The following EEFSEC variants were observed in gnomAD, a reference collection of about 807,000 sequenced individuals.
EEFSEC encodes the protein eukaryotic elongation factor, selenocysteine-tRNA specific, also known as selenocysteine-specific elongation factor.
Under a neutral mutation model 42.1 loss-of-function variants are expected in EEFSEC, and 43 were observed. The observed-to-expected ratio is 1.02, with a 90% CI of 0.80 to 1.32. EEFSEC has a LOEUF of 1.32. Ranked by LOEUF, EEFSEC falls within the 40% of genes most tolerant of loss-of-function variation. The pLI, the probability that EEFSEC is intolerant of heterozygous loss-of-function variation, is 0.00. For missense variants in EEFSEC, 745 were observed against 803.6 expected, an observed-to-expected ratio of 0.93 and a Z score of 0.88; for synonymous variants, 354 against 339.1, an observed-to-expected ratio of 1.04 and a Z score of -0.48.
intron 4 of EEFSEC, among the ~76,000 whole-genome samples, chr3:128,290,849 AATTCTCTT>A (rs1185919632): frequency 6.6e-6 from 1 of 152,070 alleles, no homozygotes; most frequent in African/African-American, 2.4e-5. Context: ...AGGTTTAAGC[AATTCTCTT>A]GCCTCAGCCT....
chr3:128,246,458 A>C (rs1265614423), intron 1 of EEFSEC, among the ~76,000 whole-genome samples: 1 of 152,132 alleles, frequency 6.6e-6, no homozygotes, highest in Non-Finnish European at 1.5e-5. Flanking sequence ...GCCTAGTACG[A>C]AACTTTTTTT....
chr3:128,281,918 G>C (rs2066530360), intron 4 of EEFSEC, among the ~76,000 whole-genome samples: 2 of 152,336 alleles, frequency 1.3e-5, no homozygotes, highest in South Asian at 2.1e-4. Flanking sequence ...TGGGATCTGA[G>C]CAGGCAGTTG....
At chr3:128,156,299 G>A (rs890278548) in intron 1 of EEFSEC, among the ~76,000 whole-genome samples, 27 of 152,206 alleles carry the variant, frequency 1.8e-4, no homozygotes, top group African/African-American at 5.8e-4. Flanking sequence ...TGCAAGGAGC[G>A]TGGTGGTTAC....
chr3:128,288,622 C>T (rs1045282893), intron 4 of EEFSEC, among the ~76,000 whole-genome samples: 7 of 152,178 alleles, frequency 4.6e-5, no homozygotes, highest in East Asian at 1.9e-4. Context: ...TCCTAGGATA[C>T]AGCAAGCTGC....
At chr3:128,384,603 G>A (rs2067815812) in intron 6 of EEFSEC, among the ~76,000 whole-genome samples, 1 of 152,226 alleles carries the variant, frequency 6.6e-6, no homozygotes, top group Admixed American at 6.5e-5. Context: ...GCTGGGGATG[G>A]AGTGGAGGGT....
intron 1 of EEFSEC, among the ~76,000 whole-genome samples, chr3:128,220,585 A>G (rs187992417): frequency 1.3e-5 from 2 of 152,244 alleles, no homozygotes; most frequent in African/African-American, 2.4e-5. Context: ...ATTCCTCCAC[A>G]TGCAAGAAGC....
chr3:128,219,314 A>G (rs550813244), intron 1 of EEFSEC, among the ~76,000 whole-genome samples: 1 of 152,316 alleles, frequency 6.6e-6, no homozygotes, highest in African/African-American at 2.4e-5. Context: ...TCAGGGTTAT[A>G]TCACTCCCCC....
intron 1 of EEFSEC, among the ~76,000 whole-genome samples, chr3:128,176,981 GATTATT>G (rs71615969): frequency 2.0e-4 from 29 of 146,592 alleles, no homozygotes; most frequent in Non-Finnish European, 3.1e-4. Context: ...GAACATACTG[GATTATT>G]ATTATTATTA....
At chr3:128,333,908 C>T (rs929357473) in intron 4 of EEFSEC, among the ~76,000 whole-genome samples, 1 of 152,190 alleles carries the variant, frequency 6.6e-6, no homozygotes, top group African/African-American at 2.4e-5. Flanking sequence ...TCGAGCTCAT[C>T]GGGCCTGGGA....
intron 1 of EEFSEC, among the ~76,000 whole-genome samples, chr3:128,179,677 C>T (rs993720584): frequency 5.3e-5 from 8 of 152,156 alleles, no homozygotes; most frequent in Admixed American, 1.3e-4. Context: ...GGCCGGCAGA[C>T]GGGCTTGCGT....
chr3:128,169,238 C>T (rs949215209), intron 1 of EEFSEC, among the ~76,000 whole-genome samples: 1 of 152,150 alleles, frequency 6.6e-6, no homozygotes, highest in Non-Finnish European at 1.5e-5. Context: ...CACAAAAGCC[C>T]GTCCCTGGAA....
chr3:128,269,346 G>T (rs2107942398), intron 4 of EEFSEC, among the ~76,000 whole-genome samples: 1 of 152,362 alleles, frequency 6.6e-6, no homozygotes, highest in South Asian at 2.1e-4. Context: ...GCTGTGCTTT[G>T]CTGAGGCCTT....
At chr3:128,327,300 C>G (rs997505502) in intron 4 of EEFSEC, among the ~76,000 whole-genome samples, 9 of 150,648 alleles carry the variant, frequency 6.0e-5, no homozygotes, top group East Asian at 2.0e-4. Flanking sequence ...ATCCCCCCCC[C>G]CCCAAGGTTG....
At chr3:128,166,870 G>A (rs909881252) in intron 1 of EEFSEC, among the ~76,000 whole-genome samples, 2 of 152,114 alleles carry the variant, frequency 1.3e-5, no homozygotes, top group African/African-American at 4.8e-5. Context: ...GGCCGGATGA[G>A]TACAGCATTC....
At chr3:128,303,359 C>T (rs970700865) in intron 4 of EEFSEC, among the ~76,000 whole-genome samples, 7 of 152,128 alleles carry the variant, frequency 4.6e-5, no homozygotes, top group Admixed American at 1.3e-4. Flanking sequence ...AGATGGCCCA[C>T]GTCCCCAGAC....
At chr3:128,209,908 A>G (rs2065738524) in intron 1 of EEFSEC, among the ~76,000 whole-genome samples, 2 of 152,260 alleles carry the variant, frequency 1.3e-5, no homozygotes, top group African/African-American at 4.8e-5. Context: ...TTTTCTTACA[A>G]TATAATGCCA....
intron 1 of EEFSEC, among the ~76,000 whole-genome samples, chr3:128,171,941 A>G (rs1336142120): frequency 6.6e-6 from 1 of 152,206 alleles, no homozygotes; most frequent in Non-Finnish European, 1.5e-5. Context: ...TTTTTATTTT[A>G]TTAGTTACAA....
chr3:128,321,684 G>A (rs2067009778), intron 4 of EEFSEC, among the ~76,000 whole-genome samples: 1 of 152,170 alleles, frequency 6.6e-6, no homozygotes, highest in African/African-American at 2.4e-5. Context: ...ACCCAGGAAG[G>A]GCCTTCCCAG....
chr3:128,237,338 A>G (rs939228891), intron 1 of EEFSEC, among the ~76,000 whole-genome samples: 3 of 152,088 alleles, frequency 2.0e-5, no homozygotes, highest in South Asian at 2.1e-4. Context: ...TTTTAAGATT[A>G]TAAAAAATTT....
Sources: allele counts gnomAD v4.1 joint callset (sites outside exome capture counted in the v4.1 genomes callset), GRCh38; gene constraint gnomAD v4.1.1; transcripts MANE v1.5; gene names NCBI Gene and HGNC (gene_info 2026-07-23, HGNC 2026-07-21).